The following TRHDE variants were observed in gnomAD, a reference collection of about 807,000 sequenced individuals.
TRHDE encodes thyrotropin releasing hormone degrading enzyme, also known as thyrotropin-releasing hormone-degrading ectoenzyme.
A neutral mutation model predicts 125.7 loss-of-function variants in TRHDE; 72 were observed. The observed-to-expected ratio is 0.57, with a 90% CI of 0.47 to 0.70. The LOEUF (loss-of-function observed/expected upper bound fraction) is 0.70. Ranked by LOEUF, TRHDE falls within the 30% of genes least tolerant of loss-of-function variation. The probability of loss-of-function intolerance (pLI) is 0.00; values close to 1 mark genes in which losing one functional copy is unlikely to be tolerated. For missense variants in TRHDE, 1,110 were observed against 1,327.1 expected (o/e 0.84, Z 2.54); for synonymous variants, 509 against 509.1 (o/e 1.00, Z 0.00).
At chr12:72,189,755 A>G (rs1480258309) in intron 2 of TRHDE, among the ~76,000 whole-genome samples, 2 of 152,156 alleles carry the variant, frequency 1.3e-5, no homozygotes, top group Non-Finnish European at 2.9e-5. Flanking sequence ...TCTCTGACCT[A>G]TTTATGGAGG....
intron 2 of TRHDE, among the ~76,000 whole-genome samples, chr12:72,203,630 A>G (rs1019596439): frequency 6.6e-6 from 1 of 152,170 alleles, no homozygotes; most frequent in African/African-American, 2.4e-5. Flanking sequence ...TGAACACCAC[A>G]CACCAGCACA....
intron 2 of TRHDE, among the ~76,000 whole-genome samples, chr12:72,235,874 T>C (rs1878329774): frequency 6.6e-6 from 1 of 152,144 alleles, no homozygotes; most frequent in African/African-American, 2.4e-5. Context: ...ACAACATCAG[T>C]AATGTGGGAA....
chr12:72,143,845 T>C (rs1378653875), intron 2 of TRHDE, among the ~76,000 whole-genome samples: 1 of 152,148 alleles, frequency 6.6e-6, no homozygotes, highest in Admixed American at 6.5e-5. Context: ...GATGACAATA[T>C]AGTATAAGAA....
At chr12:72,431,200 C>T (rs966988207) in intron 3 of TRHDE, among the ~76,000 whole-genome samples, 2 of 151,952 alleles carry the variant, frequency 1.3e-5, no homozygotes, top group African/African-American at 4.8e-5. Context: ...AGTACACTTA[C>T]AGAAATAGCA....
intron 1 of TRHDE, among the ~76,000 whole-genome samples, chr12:72,285,203 C>T (rs1176613112): frequency 6.6e-6 from 1 of 152,056 alleles, no homozygotes; most frequent in Admixed American, 6.5e-5. Flanking sequence ...GCATGTCAAC[C>T]TGTATTGATT....
chr12:72,363,131 A>G (rs529018383), intron 2 of TRHDE, among the ~76,000 whole-genome samples: 2 of 152,000 alleles, frequency 1.3e-5, no homozygotes, highest in Non-Finnish European at 2.9e-5. Flanking sequence ...TGGGGATGGC[A>G]TTGAATCTAT....
In TRHDE at chr12:72,359,413, G is replaced by A. The variant is rs1345898397; in HGVS notation, c.1189-18582G>A. Among the ~76,000 whole-genome samples, 6 of 151,638 alleles carry A rather than the reference G, an allele frequency of 4.0e-5. No individual in the cohort carries two copies. The East Asian group carries it at 9.7e-4, about 25-fold the overall frequency. On this transcript the variant is annotated intron_variant, in intron 2 of 18. Coordinates refer to ENST00000261180, the MANE Select transcript of TRHDE (RefSeq NM_013381.3). ...ATTCTAGAAATCCTTACTGAGACAAGCCAATACAAAACAACACAGAAAAAC... is the reference window on the plus strand; with the variant it reads ...ATTCTAGAAATCCTTACTGAGACAAACCAATACAAAACAACACAGAAAAAC...
chr12:72,419,150 A>G (rs1428076843), intron 3 of TRHDE, among the ~76,000 whole-genome samples: 1 of 152,204 alleles, frequency 6.6e-6, no homozygotes, highest in Non-Finnish European at 1.5e-5. Context: ...ATGGAGACTC[A>G]AGAGTGAGTA....
In TRHDE at chr12:72,273,127, C is replaced by T. The variant is rs920129290; in HGVS notation, c.484C>T (p.Pro162Ser). The change falls in exon 1 of 19, where the codon CCG becomes TCG. Residue 162 changes from proline to serine, a missense_variant. Around this residue, in one of 5 missense-constraint regions of TRHDE, gnomAD observed 248 missense variants for 240.8 expected, o/e 1.03. Coordinates refer to ENST00000261180, the MANE Select transcript of TRHDE (RefSeq NM_013381.3). This position sits in a 1 kb window ranked among gnomAD's most constrained non-coding sequence, Gnocchi z 5.3. ...GCCCGAGGCGGGTGGGGTGGCCAGT[C>T]CGGGGACCACGTCGGCCCAGCCGCC... ...WQPEAGGVASPGTTSAQPPSE... is the reference protein window; with the variant it reads ...WQPEAGGVASSGTTSAQPPSE... 1.7e-5 allele frequency: 26 copies of T among 1,543,702 alleles called. No homozygotes were observed. The highest frequency in any genetic ancestry group is 2.2e-5 in the Non-Finnish European group (25 of 1,145,158).
At position 72,477,366 on chromosome 12, in the gene TRHDE, A is replaced by G. The variant is rs143279624; in HGVS notation, c.1584+4186A>G. 1.9e-3 allele frequency among the ~76,000 whole-genome samples: 286 copies of G among 152,280 alleles called. 1 individual carries two copies. The highest frequency in any genetic ancestry group is 3.1e-3 in the Admixed American group (47 of 15,292). ...TATCTAGATTCAGTCTCACCAAATAAATTCTTATCTATACTGGCAATGTGG... is the reference window on the plus strand; with the variant it reads ...TATCTAGATTCAGTCTCACCAAATAGATTCTTATCTATACTGGCAATGTGG... On this transcript the variant is annotated intron_variant, in intron 5 of 18. Transcript: ENST00000261180.
intron 2 of TRHDE, among the ~76,000 whole-genome samples, chr12:72,109,588 G>GC (rs1488337311): frequency 6.6e-6 from 1 of 151,780 alleles, no homozygotes; most frequent in Non-Finnish European, 1.5e-5. Context: ...TGACAAAATG[G>GC]CTGTCAAAGC....
intron 2 of TRHDE, among the ~76,000 whole-genome samples, chr12:72,375,528 G>A (rs982094944): frequency 6.6e-6 from 1 of 152,110 alleles, no homozygotes; most frequent in Non-Finnish European, 1.5e-5. Flanking sequence ...CCAAAAACAG[G>A]GAAGCGTCCT....
At chr12:72,229,709 T>C (rs1161453606) in intron 2 of TRHDE, among the ~76,000 whole-genome samples, 2 of 152,210 alleles carry the variant, frequency 1.3e-5, no homozygotes, top group Non-Finnish European at 2.9e-5. Flanking sequence ...TAATTAAAAT[T>C]AGCTTAACTA....
At chr12:72,339,233 T>A (rs1869969386) in intron 2 of TRHDE, among the ~76,000 whole-genome samples, 1 of 152,216 alleles carries the variant, frequency 6.6e-6, no homozygotes, top group African/African-American at 2.4e-5. Flanking sequence ...GTTTAATTTC[T>A]ACTAATTATG....
At chr12:72,216,514 G>A (rs1877895204) in intron 2 of TRHDE, among the ~76,000 whole-genome samples, 1 of 152,160 alleles carries the variant, frequency 6.6e-6, no homozygotes, top group Non-Finnish European at 1.5e-5. Context: ...GAGGGAATAT[G>A]GTGGTCTTGC....
At chr12:72,510,370 G>A (rs1206630224) in intron 6 of TRHDE, among the ~76,000 whole-genome samples, 1 of 152,146 alleles carries the variant, frequency 6.6e-6, no homozygotes, top group African/African-American at 2.4e-5. Flanking sequence ...TAGGCTTTTA[G>A]TGTGCTATAT....
intron 3 of TRHDE, among the ~76,000 whole-genome samples, chr12:72,427,002 G>T (rs1874217827): frequency 6.6e-6 from 1 of 152,050 alleles, no homozygotes; most frequent in South Asian, 2.1e-4. Flanking sequence ...AACACTAAAA[G>T]TTGATCTTCA....
chr12:72,639,505 C>A (rs1387649896), intron 15 of TRHDE, among the ~76,000 whole-genome samples: 3 of 152,246 alleles, frequency 2.0e-5, no homozygotes, highest in Non-Finnish European at 4.4e-5. Context: ...CTCAGCTCAT[C>A]AAAGTCATTC....
chr12:72,203,317 A>G (rs892931086), intron 2 of TRHDE, among the ~76,000 whole-genome samples: 6 of 152,114 alleles, frequency 3.9e-5, no homozygotes, highest in African/African-American at 1.4e-4. Context: ...AAAAACAAAA[A>G]ATTAGCCGCG....
Sources: gnomAD v4.1 joint callset for allele counts (sites outside exome capture counted in the v4.1 genomes callset) on GRCh38, gnomAD v4.1.1 for gene constraint, gnomAD v4.1.1 regional missense constraint, Gnocchi (gnomAD v3.1) non-coding constraint, MANE v1.5 for transcripts, NCBI Gene and HGNC (gene_info 2026-07-23, HGNC 2026-07-21) for gene names.